The following ARHGEF7 variants were observed in gnomAD, a reference collection of about 807,000 sequenced individuals.
ARHGEF7 encodes PAK-interacting exchange factor beta.
In ARHGEF7, 33 loss-of-function variants were observed where a neutral mutation model predicts 109.8. The ratio of observed to expected loss-of-function variants is 0.30; its 90% CI spans 0.23 to 0.40. The LOEUF is 0.40. ARHGEF7 is among the 10% of genes least tolerant of loss of function. The probability of loss-of-function intolerance (pLI) is 1.00; values close to 1 mark genes in which losing one functional copy is unlikely to be tolerated. For synonymous variants in ARHGEF7, 458 were observed against 424.6 expected, an observed-to-expected ratio of 1.08 and a Z score of -0.97; for missense variants, 938 against 1,098.5, an observed-to-expected ratio of 0.85 and a Z score of 2.07.
intron 2 of ARHGEF7, among the ~76,000 whole-genome samples, chr13:111,183,987 G>A (rs1026698106): frequency 2.6e-5 from 4 of 152,104 alleles, no homozygotes; most frequent in Admixed American, 2.6e-4. Flanking sequence ...GTTGGGGTAG[G>A]ATGGTGTTAT....
At chr13:111,230,367 TTCTG>T (rs1470753599) in intron 5 of ARHGEF7, among the ~76,000 whole-genome samples, 1 of 152,224 alleles carries the variant, frequency 6.6e-6, no homozygotes, top group Non-Finnish European at 1.5e-5. Context: ...CTGTGTGCTT[TTCTG>T]TCTGTTACGA....
At chr13:111,208,768 G>C (rs1382567340) in intron 3 of ARHGEF7, among the ~76,000 whole-genome samples, 1 of 152,140 alleles carries the variant, frequency 6.6e-6, no homozygotes, top group African/African-American at 2.4e-5. Context: ...TGTAGGGTGA[G>C]GGGGTGACCT....
rs576239313 is a variant in ARHGEF7 at position 111,151,484 on chromosome 13, A to G, written c.166-2421A>G. On this transcript the variant is annotated intron_variant, in intron 1 of 21. Transcript: ENST00000646102. Reference sequence around the variant, plus strand: ...ACTGCTCACTACACTACAAAAGTCCATATATGACTTTTTTTATTGGTTGTC... The same window carrying G: ...ACTGCTCACTACACTACAAAAGTCCGTATATGACTTTTTTTATTGGTTGTC... Among the ~76,000 whole-genome samples the G allele has an allele frequency of 2.6e-5, 4 of 152,364 alleles. No individual in the cohort carries two copies. The South Asian group carries it at 8.3e-4, about 32-fold the overall frequency.
intron 1 of ARHGEF7, among the ~76,000 whole-genome samples, chr13:111,121,669 G>A (rs576738272): frequency 1.3e-5 from 2 of 152,356 alleles, no homozygotes; most frequent in African/African-American, 4.8e-5. Flanking sequence ...CACGTGCATC[G>A]CTGGGAGATG....
At position 111,176,041 on chromosome 13, in the gene ARHGEF7, C is replaced by T. The variant is rs184964250; in HGVS notation, c.252+22050C>T. Among the ~76,000 whole-genome samples, 328 of 152,294 alleles carry T rather than the reference C, an allele frequency of 2.2e-3. 2 individuals are homozygous for T. In the South Asian group the frequency reaches 0.023, roughly 11 times the overall value. On this transcript the variant is annotated intron_variant, in intron 2 of 21. Transcript: ENST00000646102. ...TGCCCCATGATTCAATTACCTCCCA[C>T]TGGGCCCTCCCATGACACGCAGGGT...
At chr13:111,216,173 C>A (rs917748741) in intron 4 of ARHGEF7, among the ~76,000 whole-genome samples, 4 of 152,130 alleles carry the variant, frequency 2.6e-5, no homozygotes, top group African/African-American at 9.7e-5. Context: ...TATTTTCTTA[C>A]CCTGCTTTTC....
Position 111,300,779 on chromosome 13 carries a change from G to C in ARHGEF7, c.2343G>C (p.Leu781Phe), listed in dbSNP as rs373579301. 5.6e-6 allele frequency: 9 copies of C among 1,611,410 alleles called. No homozygotes were observed. In the South Asian group the frequency reaches 9.9e-5, roughly 18 times the overall value. The change falls in exon 20 of 22, where the codon TTG becomes TTC. Residue 781 changes from leucine (L) to phenylalanine (F), a missense_variant. Coordinates refer to ENST00000646102, the MANE Select transcript of ARHGEF7 (RefSeq NM_001354046.2). ...RSRKESAPQV[L>F]LPEEEKIIVE... ...GCAAAGAATCTGCTCCACAAGTTTTGCTTCCAGAAGAAGAGAAAATTATAG... is the reference window on the plus strand; with the variant it reads ...GCAAAGAATCTGCTCCACAAGTTTTCCTTCCAGAAGAAGAGAAAATTATAG...
At chr13:111,296,092 G>A (rs541714554) in intron 19 of ARHGEF7, among the ~76,000 whole-genome samples, 7 of 152,242 alleles carry the variant, frequency 4.6e-5, no homozygotes, top group Non-Finnish European at 1.0e-4. Context: ...TAACAGCCAA[G>A]CGTGGTGGTC....
chr13:111,117,750 TG>T (rs1471230755), intron 1 of ARHGEF7, among the ~76,000 whole-genome samples: 24 of 152,208 alleles, frequency 1.6e-4, no homozygotes, highest in African/African-American at 5.8e-4. Context: ...TCCTTCGAGA[TG>T]GGTTCTTGCT....
chr13:111,164,579 G>A (rs1414904278), intron 2 of ARHGEF7, among the ~76,000 whole-genome samples: 1 of 152,198 alleles, frequency 6.6e-6, no homozygotes, highest in Admixed American at 6.5e-5. Context: ...AATTCGTGCT[G>A]GACCCTGCAA....
intron 1 of ARHGEF7, among the ~76,000 whole-genome samples, chr13:111,147,510 A>T (rs1882561353): frequency 6.6e-6 from 1 of 152,034 alleles, no homozygotes; most frequent in African/African-American, 2.4e-5. Context: ...TATTAAAGGG[A>T]CTTTCAGCCA....
chr13:111,286,287 C>A, intron 17 of ARHGEF7, 47 bp downstream of exon 17: 1 of 1,480,820 alleles, frequency 6.8e-7, no homozygotes. Context: ...CTCCTGGTCA[C>A]GTAGGCCATG....
intron 8 of ARHGEF7, among the ~76,000 whole-genome samples, chr13:111,262,109 C>T (rs2091156420): frequency 6.6e-6 from 1 of 152,060 alleles, no homozygotes; most frequent in Admixed American, 6.6e-5. Flanking sequence ...ATAAAGATTA[C>T]AGTGGAAGTA....
chr13:111,241,042 T>C, intron 6 of ARHGEF7: 2 of 1,138,424 alleles, frequency 1.8e-6, no homozygotes, highest in Non-Finnish European at 2.4e-6. Context: ...CAGTGAGTCC[T>C]CTTTGTTTTG....
At chr13:111,242,119 G>T (rs1012318361) in intron 6 of ARHGEF7, among the ~76,000 whole-genome samples, 64 of 152,318 alleles carry the variant, frequency 4.2e-4, no homozygotes, top group African/African-American at 1.5e-3. Flanking sequence ...CCAGCTCCCT[G>T]CAGGGCCCCT....
intron 3 of ARHGEF7, among the ~76,000 whole-genome samples, chr13:111,206,184 C>G: frequency 6.6e-6 from 1 of 151,570 alleles, no homozygotes. Context: ...CAGAAACCTC[C>G]TGAGTTGATT....
rs2093624008 is a variant in ARHGEF7 at position 111,304,617 on chromosome 13, T to C, written c.*1504T>C. The C allele has an allele frequency of 6.6e-6, 1 of 152,292 alleles. No homozygotes were observed. Among genetic ancestry groups the C allele is most frequent in the Non-Finnish European group, 1.5e-5 (1 of 68,070 alleles). The allele number at this position is 152,292 out of a possible 1,614,324, so 9.4% of individuals were successfully genotyped here. On this transcript the variant is annotated 3_prime_UTR_variant, in exon 22 of 22. Coordinates refer to ENST00000646102, the MANE Select transcript of ARHGEF7 (RefSeq NM_001354046.2). ...TACTGATGCCTTTGAGCTGGGCACC[T>C]TGGGAGAGTGTTGTGTTGCTGTTTA...
chr13:111,289,803 T>TC (rs2093199534), intron 18 of ARHGEF7, among the ~76,000 whole-genome samples: 1 of 151,722 alleles, frequency 6.6e-6, no homozygotes, highest in Non-Finnish European at 1.5e-5. Context: ...TTCTTTTTTT[T>TC]TAACCATTTT....
chr13:111,152,291 A>G (rs1015905622), intron 1 of ARHGEF7, among the ~76,000 whole-genome samples: 5 of 152,240 alleles, frequency 3.3e-5, no homozygotes, highest in African/African-American at 1.2e-4. Context: ...CAATGGTTTA[A>G]TTTAAAAATG....
Sources: gnomAD v4.1 joint callset for allele counts (sites outside exome capture counted in the v4.1 genomes callset) on GRCh38, gnomAD v4.1.1 for gene constraint, MANE v1.5 for transcripts, NCBI Gene and HGNC (gene_info 2026-07-23, HGNC 2026-07-21) for gene names.